Variants in SPEF2 observed in about 807,000 individuals in gnomAD.
SPEF2 encodes the protein sperm flagellar and cilia associated 2.
SPEF2 carries 187 observed loss-of-function variants against 224.6 expected under a neutral mutation model. The observed-to-expected ratio is 0.83, with a 90% CI of 0.74 to 0.94. The LOEUF (loss-of-function observed/expected upper bound fraction) is 0.94, where lower values mean the gene tolerates loss of function less well. Ranked by LOEUF, SPEF2 falls within the 40% of genes least tolerant of loss-of-function variation. The pLI, the probability that SPEF2 is intolerant of heterozygous loss-of-function variation, is 0.00. For synonymous variants in SPEF2, 715 were observed against 707.3 expected, an observed-to-expected ratio of 1.01 and a Z score of -0.17; for missense variants, 2,170 against 2,135.6, an observed-to-expected ratio of 1.02 and a Z score of -0.32.
intron 21 of SPEF2, among the ~76,000 whole-genome samples, chr5:35,735,149 G>T (rs1227448154): frequency 6.6e-6 from 1 of 152,038 alleles, no homozygotes. Flanking sequence ...CAGCAACTCT[G>T]CCTTATTCAC....
intron 29 of SPEF2, among the ~76,000 whole-genome samples, chr5:35,777,661 A>G (rs890945073): frequency 2.9e-5 from 4 of 136,814 alleles, no homozygotes; most frequent in Non-Finnish European, 6.3e-5. Context: ...TAGAAATGTG[A>G]TACAAATAAA....
chr5:35,808,900 A>ATATATATATAT (rs1561398564), intron 36 of SPEF2, among the ~76,000 whole-genome samples: 3 of 150,354 alleles, frequency 2.0e-5, no homozygotes, highest in South Asian at 2.1e-4. Flanking sequence ...ATATATATAT[A>ATATATATATAT]AAACAAGCTA....
At chr5:35,710,506 G>A (rs917943334) in intron 19 of SPEF2, 22 of 840,776 alleles carry the variant, frequency 2.6e-5, no homozygotes, top group East Asian at 1.2e-4. Flanking sequence ...GCAGTGAGCC[G>A]AGATTGCCCC....
intron 2 of SPEF2, among the ~76,000 whole-genome samples, chr5:35,638,794 A>G (rs538585818): frequency 5.3e-5 from 8 of 152,216 alleles, no homozygotes; most frequent in African/African-American, 1.7e-4. Flanking sequence ...GCGTGTGTTT[A>G]TTCTTTGTGC....
At chr5:35,714,384 A>G (rs1398717193) in intron 20 of SPEF2, among the ~76,000 whole-genome samples, 3 of 151,842 alleles carry the variant, frequency 2.0e-5, no homozygotes, top group Admixed American at 1.3e-4. Context: ...ATACACCCTC[A>G]ATAAGTGAAC....
At chr5:35,680,791 C>A (rs1436422149) in intron 10 of SPEF2, among the ~76,000 whole-genome samples, 1 of 152,150 alleles carries the variant, frequency 6.6e-6, no homozygotes. Context: ...AGTTTAGACT[C>A]TTCTATCTTT....
intron 31 of SPEF2, 60 bp downstream of exon 31, chr5:35,792,506 C>A: frequency 1.5e-6 from 2 of 1,369,060 alleles, no homozygotes; most frequent in Non-Finnish European, 1.0e-6. Context: ...ATCAATGCAT[C>A]AATAGTTCTA....
chr5:35,647,302 T>C (rs1424826173), intron 5 of SPEF2, among the ~76,000 whole-genome samples: 2 of 146,970 alleles, frequency 1.4e-5, no homozygotes, highest in Non-Finnish European at 1.5e-5. Context: ...AGACATTACA[T>C]GGGGGGAGAG....
intron 21 of SPEF2, among the ~76,000 whole-genome samples, chr5:35,735,509 T>C (rs1489782475): frequency 6.6e-6 from 1 of 152,114 alleles, no homozygotes; most frequent in East Asian, 1.9e-4. Context: ...TGAAGGAGGC[T>C]GCCTTGAAAT....
At chr5:35,706,857 G>A (rs1428747933) in intron 18 of SPEF2, among the ~76,000 whole-genome samples, 4 of 152,102 alleles carry the variant, frequency 2.6e-5, no homozygotes, top group Admixed American at 1.3e-4. Flanking sequence ...ATTTTAAGAG[G>A]CTTAACATGT....
intron 36 of SPEF2, chr5:35,807,833 A>C (rs1758265513): frequency 6.6e-7 from 1 of 1,525,828 alleles, no homozygotes; most frequent in East Asian, 2.5e-5. Context: ...CACATGCTAA[A>C]TGTGCATCCA....
chr5:35,692,384 C>T (rs1229024115), intron 11 of SPEF2, among the ~76,000 whole-genome samples, 186 bp from the exon 12 acceptor site: 1 of 152,122 alleles, frequency 6.6e-6, no homozygotes, highest in Admixed American at 6.5e-5. Context: ...GCACTCCAGC[C>T]TAGGCGACAG....
At chr5:35,746,216 T>G (rs1184526025) in intron 23 of SPEF2, among the ~76,000 whole-genome samples, 3 of 152,042 alleles carry the variant, frequency 2.0e-5, no homozygotes, top group African/African-American at 7.2e-5. Context: ...CCTACCCAAA[T>G]GAGAAGGAAC....
chr5:35,677,608 C>T (rs1752207161), intron 10 of SPEF2, among the ~76,000 whole-genome samples: 1 of 152,186 alleles, frequency 6.6e-6, no homozygotes, highest in Admixed American at 6.5e-5. Flanking sequence ...GCCATGGTGG[C>T]TTTCCAGGGA....
intron 30 of SPEF2, among the ~76,000 whole-genome samples, chr5:35,783,199 C>T (rs1182985196): frequency 6.6e-6 from 1 of 152,158 alleles, no homozygotes; most frequent in African/African-American, 2.4e-5. Flanking sequence ...GTGTCAGACC[C>T]TTTGCTAACA....
intron 4 of SPEF2, among the ~76,000 whole-genome samples, chr5:35,646,189 T>C (rs569344131): frequency 6.6e-6 from 1 of 152,264 alleles, no homozygotes; most frequent in African/African-American, 2.4e-5. Flanking sequence ...CCTGAACTCA[T>C]TGTTTAAGTG....
At chr5:35,787,976 A>T in intron 30 of SPEF2, 1 of 639,782 alleles carries the variant, frequency 1.6e-6, no homozygotes, top group African/African-American at 1.8e-5. Context: ...AATTTGGCTT[A>T]AAAAATATCC....
chr5:35,805,625 A>C (rs1299057793), intron 34 of SPEF2, among the ~76,000 whole-genome samples: 4 of 152,202 alleles, frequency 2.6e-5, no homozygotes, highest in Admixed American at 6.5e-5. Flanking sequence ...ACATACATAC[A>C]TACACACATG....
intron 10 of SPEF2, 28 bp downstream of exon 10, chr5:35,670,255 T>A: frequency 6.4e-7 from 1 of 1,552,048 alleles, no homozygotes; most frequent in South Asian, 1.2e-5. Flanking sequence ...ATAATTAGAA[T>A]GCTACATAAT....
Sources: gnomAD v4.1 joint callset for allele counts (sites outside exome capture counted in the v4.1 genomes callset) on GRCh38, gnomAD v4.1.1 for gene constraint, MANE v1.5 for transcripts, NCBI Gene and HGNC (gene_info 2026-07-23, HGNC 2026-07-21) for gene names.